RBFOX1: variants seen among roughly 807,000 people sequenced by gnomAD.
RBFOX1 encodes the protein RNA binding fox-1 homolog 1, also known as RNA binding protein fox-1 homolog 1.
Under a neutral mutation model 57.7 loss-of-function variants are expected in RBFOX1, and 8 were observed. That is an observed-to-expected ratio of 0.14 (90% CI 0.08 to 0.25). The LOEUF is 0.25. RBFOX1 is among the 10% of genes least tolerant of loss of function. The probability of loss-of-function intolerance (pLI) is 1.00; values close to 1 mark genes in which losing one functional copy is unlikely to be tolerated. For missense variants in RBFOX1, 611 were observed against 548.5 expected, an observed-to-expected ratio of 1.11 and a Z score of -1.14; for synonymous variants, 326 against 222.4, an observed-to-expected ratio of 1.47 and a Z score of -4.15.
intron 4 of RBFOX1, among the ~76,000 whole-genome samples, chr16:7,104,463 G>C (rs1380240713): frequency 6.6e-6 from 1 of 152,100 alleles, no homozygotes; most frequent in Admixed American, 6.6e-5. Flanking sequence ...CTAATTCATG[G>C]ACAAGGAAAG....
chr16:6,879,375 T>A (rs1291464871), intron 3 of RBFOX1, among the ~76,000 whole-genome samples: 1 of 152,216 alleles, frequency 6.6e-6, no homozygotes, highest in Non-Finnish European at 1.5e-5. Context: ...TCTCTCTCTC[T>A]GCCCTGTTTA....
intron 4 of RBFOX1, among the ~76,000 whole-genome samples, chr16:7,163,733 T>A (rs2078870156): frequency 6.6e-6 from 1 of 152,186 alleles, no homozygotes; most frequent in African/African-American, 2.4e-5. Context: ...CTCATCTCAC[T>A]GCAACCTCTG....
At chr16:5,340,858 C>T (rs750475559) in intron 1 of RBFOX1, among the ~76,000 whole-genome samples, 4 of 152,062 alleles carry the variant, frequency 2.6e-5, no homozygotes, top group African/African-American at 9.7e-5. Context: ...TCCTACAGTT[C>T]CAGACAGTGA....
At chr16:6,596,212 C>T (rs1255282893) in intron 2 of RBFOX1, among the ~76,000 whole-genome samples, 2 of 149,616 alleles carry the variant, frequency 1.3e-5, no homozygotes, top group Non-Finnish European at 3.0e-5. Flanking sequence ...AGATTTACTC[C>T]TGTTTCTTTT....
chr16:5,692,658 G>A (rs1022750202), intron 3 of RBFOX1, among the ~76,000 whole-genome samples: 1 of 152,094 alleles, frequency 6.6e-6, no homozygotes, highest in Non-Finnish European at 1.5e-5. Context: ...CTCCTACGTA[G>A]GGACCAGAAT....
Position 6,904,597 on chromosome 16 carries a change from T to G in RBFOX1, c.-15-147460T>G, listed in dbSNP as rs1324352288. ...GCCTGGGTGACAGAGTGAGACTCTCTCTAAAAAAAAAAAAAAAAAAAAAAA... is the reference window on the plus strand; with the variant it reads ...GCCTGGGTGACAGAGTGAGACTCTCGCTAAAAAAAAAAAAAAAAAAAAAAA... On this transcript the variant is annotated intron_variant, in intron 3 of 15. Coordinates refer to ENST00000550418, the MANE Select transcript of RBFOX1 (RefSeq NM_018723.4). Among the ~76,000 whole-genome samples the G allele has an allele frequency of 7.9e-5, 5 of 63,052 alleles. No individual in the cohort carries two copies. In the East Asian group the frequency reaches 1.7e-3, roughly 22 times the overall value. 41.4% of individuals were successfully genotyped at this position (63,052 alleles called of 152,430 possible). A position where few individuals can be genotyped will look rare whatever the true frequency, so the allele number is the denominator to read the frequency against.
At chr16:6,003,982 T>A (rs2060648940) in intron 4 of RBFOX1, among the ~76,000 whole-genome samples, 1 of 152,118 alleles carries the variant, frequency 6.6e-6, no homozygotes, top group Admixed American at 6.5e-5. Flanking sequence ...AAACTTTGGG[T>A]TTATTGAGAG....
chr16:6,824,551 T>C (rs544168925), intron 3 of RBFOX1, among the ~76,000 whole-genome samples: 3 of 144,458 alleles, frequency 2.1e-5, no homozygotes, highest in East Asian at 1.9e-4. Context: ...CTATTTTTCT[T>C]AATAATAATC....
chr16:6,241,745 A>G (rs548564721), intron 1 of RBFOX1, among the ~76,000 whole-genome samples: 19 of 152,342 alleles, frequency 1.2e-4, no homozygotes, highest in Middle Eastern at 3.4e-3. Flanking sequence ...CATTTCAGGC[A>G]CTTAAAATGT....
chr16:5,933,480 G>A (rs1252249088), intron 4 of RBFOX1, among the ~76,000 whole-genome samples: 2 of 152,174 alleles, frequency 1.3e-5, no homozygotes, highest in East Asian at 1.9e-4. Flanking sequence ...CACAGGGACC[G>A]TCAGGGTTGA....
Position 7,277,759 on chromosome 16 carries a change from G to A in RBFOX1, c.27+225661G>A, listed in dbSNP as rs538166756. On this transcript the variant is annotated intron_variant, in intron 4 of 15. Transcript: ENST00000550418. ...AAGATATTTATTCAGCATAGCATGAGGAAGTTTAGTCCAGTATAGAAAACA... is the reference window on the plus strand; with the variant it reads ...AAGATATTTATTCAGCATAGCATGAAGAAGTTTAGTCCAGTATAGAAAACA... Among the ~76,000 whole-genome samples, 13 of 152,150 alleles carry A rather than the reference G, an allele frequency of 8.5e-5. No individual in the cohort carries two copies. In the East Asian group the frequency reaches 2.1e-3, roughly 25 times the overall value.
At chr16:5,838,890 G>C (rs1165962943) in intron 3 of RBFOX1, among the ~76,000 whole-genome samples, 1 of 152,208 alleles carries the variant, frequency 6.6e-6, no homozygotes, top group East Asian at 1.9e-4. Context: ...GAGAAACCCA[G>C]AGGGTAGTTT....
intron 3 of RBFOX1, among the ~76,000 whole-genome samples, chr16:5,726,961 C>G (rs966320051): frequency 1.3e-5 from 2 of 152,104 alleles, no homozygotes; most frequent in African/African-American, 4.8e-5. Flanking sequence ...GCCGTGAATT[C>G]AAACCTCGAT....
intron 1 of RBFOX1, among the ~76,000 whole-genome samples, chr16:6,292,235 G>C (rs1435114694): frequency 6.6e-6 from 1 of 152,056 alleles, no homozygotes; most frequent in East Asian, 1.9e-4. Context: ...ACTCTAGCCT[G>C]GGTAAGAAAG....
intron 4 of RBFOX1, among the ~76,000 whole-genome samples, chr16:7,105,550 C>G (rs933870222): frequency 6.6e-6 from 1 of 152,052 alleles, no homozygotes; most frequent in African/African-American, 2.4e-5. Flanking sequence ...CATAGCTTAG[C>G]TCCCACTTAC....
At chr16:5,770,740 A>G (rs895570140) in intron 3 of RBFOX1, among the ~76,000 whole-genome samples, 1 of 152,064 alleles carries the variant, frequency 6.6e-6, no homozygotes, top group African/African-American at 2.4e-5. Flanking sequence ...GATTTATTCC[A>G]CTGTTTAAAC....
chr16:6,712,314 C>G (rs1203824278), intron 3 of RBFOX1, among the ~76,000 whole-genome samples: 1 of 152,100 alleles, frequency 6.6e-6, no homozygotes, highest in Non-Finnish European at 1.5e-5. Flanking sequence ...CTGGGTCTGC[C>G]AAATACCCAT....
chr16:7,450,786 A>G (rs1201832555), intron 4 of RBFOX1, among the ~76,000 whole-genome samples: 1 of 152,120 alleles, frequency 6.6e-6, no homozygotes, highest in African/African-American at 2.4e-5. Flanking sequence ...ACCCCAGTAG[A>G]CATTGAAGAG....
At chr16:5,742,626 A>G (rs1035013096) in intron 3 of RBFOX1, among the ~76,000 whole-genome samples, 1 of 152,180 alleles carries the variant, frequency 6.6e-6, no homozygotes, top group African/African-American at 2.4e-5. Context: ...ACTCATATAG[A>G]AAGCTTTAGG....
Sources: gnomAD v4.1 joint callset for allele counts (sites outside exome capture counted in the v4.1 genomes callset) on GRCh38, gnomAD v4.1.1 for gene constraint, MANE v1.5 for transcripts, NCBI Gene and HGNC (gene_info 2026-07-23, HGNC 2026-07-21) for gene names.